The following SGCZ variants were observed in gnomAD, a reference collection of about 807,000 sequenced individuals.
SGCZ encodes the protein zeta-sarcoglycan.
SGCZ carries 40 observed loss-of-function variants against 41.3 expected under a neutral mutation model. The ratio of observed to expected loss-of-function variants is 0.97; its 90% CI spans 0.75 to 1.26. SGCZ has a LOEUF of 1.26. Among genes scored for constraint, SGCZ ranks in the 50% most tolerant of loss-of-function variants. SGCZ has a pLI of 0.00. For synonymous variants in SGCZ, 206 were observed against 137.5 expected, an observed-to-expected ratio of 1.50 and a Z score of -3.49; for missense variants, 552 against 369.8, an observed-to-expected ratio of 1.49 and a Z score of -4.04.
intron 1 of SGCZ, among the ~76,000 whole-genome samples, chr8:14,838,086 G>C (rs1802765338): frequency 6.6e-6 from 1 of 152,220 alleles, no homozygotes; most frequent in South Asian, 2.1e-4. Context: ...AAATAATCCA[G>C]GCACAGAAAG....
At chr8:14,333,887 T>G (rs1802421023) in intron 2 of SGCZ, among the ~76,000 whole-genome samples, 1 of 152,148 alleles carries the variant, frequency 6.6e-6, no homozygotes. Flanking sequence ...TATAAGCTCC[T>G]GTCTCCACAG....
At chr8:14,171,715 CTAATA>C (rs1804389109) in intron 4 of SGCZ, among the ~76,000 whole-genome samples, 1 of 151,844 alleles carries the variant, frequency 6.6e-6, no homozygotes, top group Non-Finnish European at 1.5e-5. Context: ...TGAGTACCTC[CTAATA>C]TATTTATTTA....
At chr8:14,577,528 T>C (rs13267760) in intron 1 of SGCZ, among the ~76,000 whole-genome samples, 104,646 of 151,614 alleles carry the variant, frequency 0.69, 36,298 homozygotes, top group Non-Finnish European at 0.73. Flanking sequence ...GCTGGGACTA[T>C]AGGTGCATCT....
chr8:14,870,442 A>T (rs1177444331), intron 1 of SGCZ, among the ~76,000 whole-genome samples: 1 of 152,160 alleles, frequency 6.6e-6, no homozygotes, highest in East Asian at 1.9e-4. Flanking sequence ...AACTCAAGTA[A>T]GATTAAGGAC....
intron 3 of SGCZ, among the ~76,000 whole-genome samples, chr8:14,241,682 T>C (rs537893170): frequency 3.3e-5 from 5 of 152,114 alleles, no homozygotes; most frequent in South Asian, 4.1e-4. Flanking sequence ...CTAGAGGACA[T>C]ATCCGCCTTC....
chr8:14,672,145 T>C (rs1050848960), intron 1 of SGCZ, among the ~76,000 whole-genome samples: 23 of 152,200 alleles, frequency 1.5e-4, no homozygotes, highest in Non-Finnish European at 2.5e-4. Flanking sequence ...TCTCTTTGCC[T>C]TCTAAATGCC....
At chr8:14,504,463 G>T (rs1268223483) in intron 2 of SGCZ, among the ~76,000 whole-genome samples, 2 of 152,132 alleles carry the variant, frequency 1.3e-5, no homozygotes, top group African/African-American at 2.4e-5. Flanking sequence ...ATATGCATTA[G>T]TATCACCTGC....
rs148128934 is a variant in SGCZ, at chr8:14,597,402, T to C, written c.40-42476A>G. Among the ~76,000 whole-genome samples, 495 of 152,300 alleles carry C rather than the reference T, an allele frequency of 3.3e-3. 3 individuals are homozygous for C. Among genetic ancestry groups the C allele is most frequent in the African/African-American group, 3.3e-3 (136 of 41,572 alleles). ...AATAAAACATAAGATAATTTATAAA[T>C]AGATTATTATAGACACAAGTCTCTT... On this transcript the variant is annotated intron_variant, in intron 1 of 7. Coordinates refer to ENST00000382080, the MANE Select transcript of SGCZ (RefSeq NM_139167.4).
intron 5 of SGCZ, among the ~76,000 whole-genome samples, chr8:14,135,053 T>C (rs1159205458): frequency 1.3e-5 from 2 of 152,152 alleles, no homozygotes; most frequent in Non-Finnish European, 2.9e-5. Context: ...CAAAATTGCT[T>C]AAAATATTTA....
chr8:14,902,877 A>G (rs1799012140), intron 1 of SGCZ, among the ~76,000 whole-genome samples: 1 of 152,144 alleles, frequency 6.6e-6, no homozygotes, highest in Admixed American at 6.6e-5. Context: ...CTTTAGTTAT[A>G]TTTATTTCTA....
chr8:14,566,355 G>C (rs938807732), intron 1 of SGCZ, among the ~76,000 whole-genome samples: 1 of 152,196 alleles, frequency 6.6e-6, no homozygotes, highest in East Asian at 1.9e-4. Flanking sequence ...GAAGTAAAAA[G>C]TGGCCGAATG....
At chr8:14,497,595 A>T (rs80040115) in intron 2 of SGCZ, among the ~76,000 whole-genome samples, 7,182 of 151,166 alleles carry the variant, frequency 0.048, 460 homozygotes, top group African/African-American at 0.15. Context: ...TGTGTGTGTG[A>T]GAGAGAGAGA....
At chr8:14,464,381 T>C (rs1224164754) in intron 2 of SGCZ, among the ~76,000 whole-genome samples, 1 of 151,558 alleles carries the variant, frequency 6.6e-6, no homozygotes, top group Admixed American at 6.6e-5. Flanking sequence ...GGTTATCCAA[T>C]TTTTAGTTCA....
At chr8:14,927,237 C>G (rs1467341924) in intron 1 of SGCZ, among the ~76,000 whole-genome samples, 1 of 151,104 alleles carries the variant, frequency 6.6e-6, no homozygotes, top group Non-Finnish European at 1.5e-5. Flanking sequence ...CCCTCCGGAG[C>G]AGCTGGGACT....
At chr8:15,016,028 C>T (rs993155803) in intron 1 of SGCZ, among the ~76,000 whole-genome samples, 4 of 151,276 alleles carry the variant, frequency 2.6e-5, no homozygotes, top group African/African-American at 7.3e-5. Context: ...ATTTGACAGC[C>T]TTTATTGCTA....
chr8:14,328,011 G>A (rs531438424), intron 2 of SGCZ, among the ~76,000 whole-genome samples: 17 of 152,190 alleles, frequency 1.1e-4, no homozygotes, highest in African/African-American at 3.6e-4. Context: ...TTATAACACC[G>A]TGTTGTAAAT....
intron 2 of SGCZ, among the ~76,000 whole-genome samples, chr8:14,344,762 A>G (rs559465118): frequency 6.6e-6 from 1 of 152,242 alleles, no homozygotes; most frequent in East Asian, 1.9e-4. Context: ...GGTTTTATAC[A>G]TGAGACCAGC....
chr8:14,086,607 T>C lies in SGCZ; in HGVS notation c.*3836A>G, dbSNP rs1412560506. ...TTGGTTAATATTTCTATTAATTTCCTAAACAGTCATTTTGAATAAGATCCA... is the reference window on the plus strand; with the variant it reads ...TTGGTTAATATTTCTATTAATTTCCCAAACAGTCATTTTGAATAAGATCCA... On this transcript the variant is annotated 3_prime_UTR_variant, in exon 8 of 8. Transcript: ENST00000382080. Among the ~76,000 whole-genome samples the C allele has an allele frequency of 1.3e-5, 2 of 151,768 alleles. No homozygotes were observed. Among genetic ancestry groups the C allele is most frequent in the African/African-American group, 4.8e-5 (2 of 41,418 alleles).
At chr8:15,233,643 A>G (rs1384214569) in intron 1 of SGCZ, among the ~76,000 whole-genome samples, 1 of 152,078 alleles carries the variant, frequency 6.6e-6, no homozygotes, top group African/African-American at 2.4e-5. Flanking sequence ...CAGTGACTGG[A>G]CTACATTTAA....
Sources: allele counts gnomAD v4.1 joint callset (sites outside exome capture counted in the v4.1 genomes callset), GRCh38; gene constraint gnomAD v4.1.1; transcripts MANE v1.5; gene names NCBI Gene and HGNC (gene_info 2026-07-23, HGNC 2026-07-21).